Variants in PREP observed in about 807,000 individuals in gnomAD.
PREP encodes the protein dJ355L5.1 (prolyl endopeptidase).
PREP carries 29 observed loss-of-function variants against 87.6 expected under a neutral mutation model. That is an observed-to-expected ratio of 0.33 (90% CI 0.25 to 0.45). The LOEUF (loss-of-function observed/expected upper bound fraction) is 0.45, where lower values mean the gene tolerates loss of function less well. Ranked by LOEUF, PREP falls within the 20% of genes least tolerant of loss-of-function variation. PREP has a pLI of 1.00. For missense variants in PREP, 695 were observed against 886.5 expected, an observed-to-expected ratio of 0.78 and a Z score of 2.74; for synonymous variants, 337 against 328.6, an observed-to-expected ratio of 1.03 and a Z score of -0.28.
chr6:105,381,134 A>G (rs1772825564), intron 2 of PREP, among the ~76,000 whole-genome samples: 1 of 152,218 alleles, frequency 6.6e-6, no homozygotes, highest in South Asian at 2.1e-4. Flanking sequence ...AATGTTAGCT[A>G]ATTACTTTAA....
intron 1 of PREP, among the ~76,000 whole-genome samples, chr6:105,398,225 T>C (rs1773336831): frequency 6.6e-6 from 1 of 152,140 alleles, no homozygotes; most frequent in Admixed American, 6.5e-5. Context: ...CTAAAGAAAC[T>C]TGAAAACGTG....
chr6:105,339,736 TGC>T, intron 7 of PREP, among the ~76,000 whole-genome samples: 6 of 152,070 alleles, frequency 3.9e-5, no homozygotes, highest in Admixed American at 3.9e-4. Context: ...AACTACAAGA[TGC>T]ATGCACAAGC....
intron 8 of PREP, among the ~76,000 whole-genome samples, chr6:105,329,801 A>C (rs1771275661): frequency 6.6e-6 from 1 of 152,250 alleles, no homozygotes; most frequent in African/African-American, 2.4e-5. Context: ...TAAAAATGCA[A>C]GTAATAAACC....
intron 2 of PREP, among the ~76,000 whole-genome samples, chr6:105,396,095 T>A (rs1169508830): frequency 2.0e-5 from 3 of 152,226 alleles, no homozygotes; most frequent in Non-Finnish European, 2.9e-5. Context: ...ACTCAGGTGT[T>A]TCTCACTTTG....
intron 7 of PREP, among the ~76,000 whole-genome samples, chr6:105,350,330 T>G (rs373441965): frequency 4.9e-4 from 75 of 152,258 alleles, no homozygotes; most frequent in African/African-American, 1.5e-3. Context: ...ATTATTTCCT[T>G]ATTTGCAGAC....
chr6:105,273,992 G>A lies in PREP; in HGVS notation c.*4152C>T, dbSNP rs779549879. Among the ~76,000 whole-genome samples the A allele has an allele frequency of 1.3e-5, 2 of 152,140 alleles. No individual in the cohort carries two copies. The highest frequency in any genetic ancestry group is 2.9e-5 in the Non-Finnish European group (2 of 68,038). ...GACTCAAATAGCATTCCTTCTCACGGACTATTCATTTGCCCCACTTTGTTT... is the reference window on the plus strand; with the variant it reads ...GACTCAAATAGCATTCCTTCTCACGAACTATTCATTTGCCCCACTTTGTTT... On this transcript the variant is annotated 3_prime_UTR_variant, in exon 15 of 15. Coordinates refer to ENST00000652536, the MANE Select transcript of PREP (RefSeq NM_002726.5).
intron 2 of PREP, among the ~76,000 whole-genome samples, chr6:105,389,291 T>G (rs1036316200): frequency 2.6e-5 from 4 of 152,122 alleles, no homozygotes; most frequent in African/African-American, 9.7e-5. Context: ...TCTTTATAGA[T>G]GAAGAAAATG....
intron 1 of PREP, among the ~76,000 whole-genome samples, chr6:105,400,874 G>A (rs1773411372): frequency 6.6e-6 from 1 of 152,204 alleles, no homozygotes; most frequent in South Asian, 2.1e-4. Flanking sequence ...CCCAGCTGAT[G>A]CTGGGGAGAA....
intron 2 of PREP, among the ~76,000 whole-genome samples, chr6:105,380,253 C>G (rs1772802059): frequency 6.6e-6 from 1 of 152,096 alleles, no homozygotes; most frequent in Non-Finnish European, 1.5e-5. Flanking sequence ...GCAGAGGAAA[C>G]AGCAGGTGTG....
At position 105,397,650 on chromosome 6, in the gene PREP, G is replaced by A. The variant is rs550014321; in HGVS notation, c.120+203C>T. 4.6e-5 allele frequency among the ~76,000 whole-genome samples: 7 copies of A among 152,186 alleles called. No individual in the cohort carries two copies. In the South Asian group the frequency reaches 1.5e-3, roughly 32 times the overall value. ...CATAAACATTATCTGAAACACTTAG[G>A]TGATCTTCTCTGGGACTAAGCCATG... On this transcript the variant is annotated intron_variant, in intron 2 of 14. Transcript: ENST00000652536.
Position 105,369,028 on chromosome 6 carries a change from A to C in PREP, c.596-4T>G. The C allele has an allele frequency of 6.2e-7, 1 of 1,613,716 alleles. No individual in the cohort carries two copies. The highest frequency in any genetic ancestry group is 1.3e-5 in the African/African-American group (1 of 75,042). On this transcript the variant is annotated splice_region_variant and splice_polypyrimidine_tract_variant and intron_variant, in intron 5 of 14. Transcript: ENST00000652536. Reference sequence around the variant, plus strand: ...AGATTGGTAGATGTCTCTGTGCCTGAAGGAGTTAAAAATGTACACTGAAAT... The same window carrying C: ...AGATTGGTAGATGTCTCTGTGCCTGCAGGAGTTAAAAATGTACACTGAAAT...
At chr6:105,291,780 CT>C (rs556507057) in intron 10 of PREP, among the ~76,000 whole-genome samples, 111 of 152,332 alleles carry the variant, frequency 7.3e-4, no homozygotes, top group African/African-American at 2.6e-3. Context: ...CACAGCAGAA[CT>C]TCTTTCAAAA....
intron 5 of PREP, among the ~76,000 whole-genome samples, chr6:105,369,973 C>T (rs758549042): frequency 1.3e-5 from 2 of 152,056 alleles, no homozygotes; most frequent in African/African-American, 4.8e-5. Context: ...CAGATATGGT[C>T]GGGCGTGGTG....
chr6:105,354,631 C>A (rs1583076851), intron 6 of PREP, among the ~76,000 whole-genome samples: 1 of 151,614 alleles, frequency 6.6e-6, no homozygotes, highest in African/African-American at 2.4e-5. Context: ...ATGGCCTTAA[C>A]AGAACACTGA....
chr6:105,325,672 C>T (rs1771136597), intron 9 of PREP, among the ~76,000 whole-genome samples: 1 of 152,152 alleles, frequency 6.6e-6, no homozygotes, highest in South Asian at 2.1e-4. Context: ...TCTAGGTTAG[C>T]CCATTGCATA....
At chr6:105,364,486 G>C (rs1277596290) in intron 6 of PREP, among the ~76,000 whole-genome samples, 1 of 152,150 alleles carries the variant, frequency 6.6e-6, no homozygotes, top group African/African-American at 2.4e-5. Flanking sequence ...CTTGGACTGC[G>C]GCAGCCGAAG....
intron 5 of PREP, among the ~76,000 whole-genome samples, chr6:105,372,294 G>A (rs1380957428): frequency 6.6e-6 from 1 of 152,092 alleles, no homozygotes; most frequent in African/African-American, 2.4e-5. Context: ...AGGTACAGCA[G>A]AAAGCACTGG....
Position 105,397,923 on chromosome 6 carries a change from T to C in PREP, c.50A>G (p.Gln17Arg). Residue 17 changes from glutamine to arginine, a missense_variant, in exon 2 of 15, where the codon CAG (glutamine) becomes CGG (arginine). Transcript: ENST00000652536. ...ACAAATTTTATGACCATGATAATCC[T>C]GTACCTGTAAAAAACAAAATGAGGT... Reference protein sequence around the residue: ...PDVYRDETAVQDYHGHKICDP... With the variant: ...PDVYRDETAVRDYHGHKICDP... The C allele has an allele frequency of 1.2e-6, 2 of 1,608,618 alleles. No individual in the cohort carries two copies. Among genetic ancestry groups the C allele is most frequent in the Non-Finnish European group, 1.7e-6 (2 of 1,175,002 alleles).
intron 14 of PREP, chr6:105,280,624 C>A (rs1297712842): frequency 6.6e-6 from 1 of 151,640 alleles, no homozygotes; most frequent in Admixed American, 6.6e-5. Flanking sequence ...GAGACAGGGT[C>A]TTGGAATGCA....
Sources: allele counts gnomAD v4.1 joint callset (sites outside exome capture counted in the v4.1 genomes callset), GRCh38; gene constraint gnomAD v4.1.1; transcripts MANE v1.5; gene names NCBI Gene and HGNC (gene_info 2026-07-23, HGNC 2026-07-21).